The following C6 variants were observed in gnomAD, a reference collection of about 807,000 sequenced individuals.
C6 encodes complement C6.
Under a neutral mutation model 112.9 loss-of-function variants are expected in C6, and 101 were observed. That is an observed-to-expected ratio of 0.89 (90% CI 0.76 to 1.06). The LOEUF (loss-of-function observed/expected upper bound fraction) is 1.06. C6 is among the 50% of genes least tolerant of loss of function. C6 has a pLI of 0.00. For missense variants in C6, 1,202 were observed against 1,104.6 expected (o/e 1.09, Z -1.25); for synonymous variants, 431 against 384.1 (o/e 1.12, Z -1.43).
intron 4 of C6, among the ~76,000 whole-genome samples, chr5:41,198,411 G>A (rs963716521): frequency 1.2e-4 from 18 of 152,114 alleles, no homozygotes; most frequent in African/African-American, 3.1e-4. Flanking sequence ...CACCCAGTCC[G>A]AATGGATGCC....
At chr5:41,194,378 G>C (rs1163279353) in intron 5 of C6, among the ~76,000 whole-genome samples, 1 of 152,070 alleles carries the variant, frequency 6.6e-6, no homozygotes, top group Non-Finnish European at 1.5e-5. Flanking sequence ...TGTAGAACTG[G>C]TTCTAGTTCT....
intron 15 of C6, 133 bp downstream of exon 15, chr5:41,153,677 T>A: frequency 1.5e-6 from 1 of 683,670 alleles, no homozygotes; most frequent in Non-Finnish European, 2.6e-6. Flanking sequence ...AGTTCCGGTT[T>A]GACCCACACT....
chr5:41,252,997 G>A (rs923863715), intron 1 of C6, among the ~76,000 whole-genome samples: 1 of 152,158 alleles, frequency 6.6e-6, no homozygotes, highest in Non-Finnish European at 1.5e-5. Flanking sequence ...ACTTCTTGAG[G>A]TTGTGTTCCA....
intron 1 of C6, among the ~76,000 whole-genome samples, chr5:41,248,790 C>G (rs1218665015): frequency 6.6e-6 from 1 of 152,168 alleles, no homozygotes; most frequent in Non-Finnish European, 1.5e-5. Context: ...CAAAACAGAA[C>G]TACCATTACC....
intron 17 of C6, among the ~76,000 whole-genome samples, chr5:41,148,647 G>A (rs146007075): frequency 6.6e-4 from 101 of 152,302 alleles, no homozygotes; most frequent in African/African-American, 2.4e-3. Flanking sequence ...GAGCTCTTTG[G>A]GGCATCTGGC....
chr5:41,169,108 G>T (rs1748213287), intron 9 of C6, among the ~76,000 whole-genome samples: 1 of 152,146 alleles, frequency 6.6e-6, no homozygotes, highest in African/African-American at 2.4e-5. Flanking sequence ...AAAAGCCAAG[G>T]CAGGACCATC....
intron 11 of C6, 56 bp downstream of exon 11, chr5:41,160,086 G>T: frequency 7.2e-7 from 1 of 1,387,300 alleles, no homozygotes; most frequent in South Asian, 1.2e-5. Context: ...GACCAACTTA[G>T]AATACTCTTT....
intron 1 of C6, among the ~76,000 whole-genome samples, chr5:41,246,399 T>C (rs1029690242): frequency 6.6e-6 from 1 of 152,236 alleles, no homozygotes; most frequent in African/African-American, 2.4e-5. Context: ...CAGATGTTTT[T>C]GAAATTGCAT....
chr5:41,155,317 A>G (rs1345963487), intron 13 of C6, among the ~76,000 whole-genome samples: 1 of 152,062 alleles, frequency 6.6e-6, no homozygotes, highest in Non-Finnish European at 1.5e-5. Context: ...TACTAGGGCA[A>G]CTTTATAACT....
chr5:41,187,203 C>G (rs1401490374), intron 5 of C6, among the ~76,000 whole-genome samples: 1 of 152,110 alleles, frequency 6.6e-6, no homozygotes, highest in Non-Finnish European at 1.5e-5. Context: ...AATGCCCTTC[C>G]CTTCTCATGA....
intron 7 of C6, among the ~76,000 whole-genome samples, chr5:41,179,014 C>T (rs146587856): frequency 0.01 from 1,593 of 152,094 alleles, 15 homozygotes; most frequent in Non-Finnish European, 0.015. Context: ...CTGCCACGCC[C>T]GGCTAATTTT....
At chr5:41,199,645 C>T in intron 4 of C6, 123 bp downstream of exon 4, 1 of 984,130 alleles carries the variant, frequency 1.0e-6, no homozygotes, top group Non-Finnish European at 1.6e-6. Context: ...CATTCCCATT[C>T]CACTCTGCTT....
intron 15 of C6, chr5:41,152,736 T>C (rs1746529817): frequency 6.6e-6 from 1 of 152,260 alleles, no homozygotes. Context: ...AATGTGGTGA[T>C]ATTGTTTACC....
intron 1 of C6, among the ~76,000 whole-genome samples, chr5:41,240,588 T>G (rs927668385): frequency 2.0e-5 from 3 of 152,118 alleles, no homozygotes; most frequent in African/African-American, 7.2e-5. Context: ...CTGATGTTGG[T>G]GGTGGCAGCA....
intron 1 of C6, among the ~76,000 whole-genome samples, chr5:41,203,913 A>G (rs1276093892): frequency 1.3e-5 from 2 of 152,146 alleles, no homozygotes; most frequent in Non-Finnish European, 2.9e-5. Context: ...CCCTTCACTG[A>G]GTTTCTAACA....
intron 9 of C6, among the ~76,000 whole-genome samples, chr5:41,162,738 G>C (rs1451101208): frequency 6.6e-6 from 1 of 152,186 alleles, no homozygotes; most frequent in Non-Finnish European, 1.5e-5. Context: ...TAGTAAGATA[G>C]TCTAGAATGA....
intron 4 of C6, among the ~76,000 whole-genome samples, chr5:41,197,395 G>A (rs1750695253): frequency 6.6e-6 from 1 of 152,042 alleles, no homozygotes; most frequent in South Asian, 2.1e-4. Flanking sequence ...GTTTTGTGTT[G>A]TTTTCAGGAC....
chr5:41,152,886 C>G (rs1263159892), intron 15 of C6: 1 of 152,190 alleles, frequency 6.6e-6, no homozygotes. Context: ...TGATCTTATG[C>G]AAGGAATCTG....
intron 1 of C6, among the ~76,000 whole-genome samples, chr5:41,250,436 C>T (rs1037550358): frequency 2.6e-5 from 4 of 152,108 alleles, no homozygotes; most frequent in African/African-American, 4.8e-5. Flanking sequence ...TTAATTTGTA[C>T]CCAGTTATAT....
Sources: allele counts gnomAD v4.1 joint callset (sites outside exome capture counted in the v4.1 genomes callset), GRCh38; gene constraint gnomAD v4.1.1; transcripts MANE v1.5; gene names NCBI Gene and HGNC (gene_info 2026-07-23, HGNC 2026-07-21).